The following DNAH11 variants were observed in gnomAD, a reference collection of about 807,000 sequenced individuals.
The protein encoded by DNAH11 is dynein axonemal heavy chain 11, also known as axonemal beta dynein heavy chain 11.
In DNAH11, 442 loss-of-function variants were observed where a neutral mutation model predicts 526.0. That is an observed-to-expected ratio of 0.84 (90% CI 0.78 to 0.91). DNAH11 has a LOEUF of 0.91. Ranked by LOEUF, DNAH11 falls within the 40% of genes least tolerant of loss-of-function variation. DNAH11 has a pLI of 0.00. For missense variants in DNAH11, 6,989 were observed against 5,448.7 expected (o/e 1.28, Z -8.90); for synonymous variants, 2,461 against 1,935.9 (o/e 1.27, Z -7.12).
intron 66 of DNAH11, among the ~76,000 whole-genome samples, chr7:21,846,338 A>G (rs1782417413): frequency 6.6e-6 from 1 of 152,180 alleles, no homozygotes; most frequent in African/African-American, 2.4e-5. Context: ...ACCATTAAGT[A>G]CAATGTAAGC....
Position 21,880,782 on chromosome 7 carries a change from T to C in DNAH11, c.12276T>C (p.Ala4092=). 6.2e-7 allele frequency: 1 copy of C among 1,614,022 alleles called. No individual in the cohort carries two copies. Among genetic ancestry groups the C allele is most frequent in the Non-Finnish European group, 8.5e-7 (1 of 1,179,908 alleles). The change falls in exon 75 of 82, where the codon GCT becomes GCC. Residue 4092 remains alanine (A), a synonymous_variant. Coordinates refer to ENST00000409508, the MANE Select transcript of DNAH11 (RefSeq NM_001277115.2). ...FSLCYFHACV[A]GRLRFGPQGW... ...TCTGCTACTTCCACGCCTGTGTTGC[T>C]GGGAGACTGAGGTTTGGCCCCCAGG...
chr7:21,593,033 G>T (rs1784743429), intron 14 of DNAH11, among the ~76,000 whole-genome samples: 1 of 152,146 alleles, frequency 6.6e-6, no homozygotes, highest in South Asian at 2.1e-4. Flanking sequence ...ACATATGTAT[G>T]GTATTTAGAG....
chr7:21,895,044 G>T (rs1179324328), intron 79 of DNAH11, 45 bp downstream of exon 79: 2 of 1,509,886 alleles, frequency 1.3e-6, no homozygotes, highest in Non-Finnish European at 1.8e-6. Context: ...AGCAGCCTCG[G>T]TGCTGGGTTA....
Position 21,571,809 on chromosome 7 carries a change from A to G in DNAH11, c.1429A>G (p.Ile477Val), listed in dbSNP as rs1009606912. Residue 477 changes from isoleucine (I) to valine (V), a missense_variant, in exon 8 of 82, where the codon ATA (isoleucine) becomes GTA (valine). Transcript: ENST00000409508. ...FLDRLIKIED[I>V]FATTLEFEKL... ...CTTTACTGTGTTTTTTACAAAGGAT[A>G]TATTTGCCACCACTTTGGAATTTGA... 6.2e-6 allele frequency: 10 copies of G among 1,610,856 alleles called. No individual in the cohort carries two copies. Among genetic ancestry groups the G allele is most frequent in the Non-Finnish European group, 8.5e-6 (10 of 1,178,884 alleles).
At chr7:21,616,003 A>G (rs1270813304) in intron 21 of DNAH11, among the ~76,000 whole-genome samples, 2 of 152,210 alleles carry the variant, frequency 1.3e-5, no homozygotes, top group African/African-American at 4.8e-5. Flanking sequence ...TTAATATATC[A>G]TAATGTTTTA....
At chr7:21,718,106 C>T (rs1784734499) in intron 43 of DNAH11, among the ~76,000 whole-genome samples, 181 bp downstream of exon 43, 2 of 149,172 alleles carry the variant, frequency 1.3e-5, no homozygotes. Flanking sequence ...TTGCAAACCT[C>T]TATCACATTC....
At chr7:21,598,109 GC>G (rs1444316337) in intron 14 of DNAH11, among the ~76,000 whole-genome samples, 2 of 152,162 alleles carry the variant, frequency 1.3e-5, no homozygotes, top group East Asian at 3.8e-4. Context: ...TAACACCTTT[GC>G]ATCCTGGATC....
chr7:21,614,114 T>C (rs1011527000), intron 20 of DNAH11, among the ~76,000 whole-genome samples: 1 of 152,130 alleles, frequency 6.6e-6, no homozygotes, highest in East Asian at 1.9e-4. Context: ...GTGATAAATA[T>C]ATACAATTTT....
chr7:21,854,185 T>G, intron 67 of DNAH11, 130 bp from the exon 68 acceptor site: 1 of 888,692 alleles, frequency 1.1e-6, no homozygotes, highest in South Asian at 1.9e-5. Flanking sequence ...CTCGAGCACA[T>G]GGATGCCATG....
intron 38 of DNAH11, 95 bp from the exon 39 acceptor site, chr7:21,705,365 G>T: frequency 8.3e-7 from 1 of 1,206,602 alleles, no homozygotes; most frequent in Non-Finnish European, 1.2e-6. Flanking sequence ...GGGCTGGCTT[G>T]GGTGTAAGGA....
chr7:21,564,256 G>A lies in DNAH11; in HGVS notation c.1053G>A (p.Glu351=), dbSNP rs201475447. The A allele has an allele frequency of 9.5e-4, 1,535 of 1,613,648 alleles. 27 individuals carry two copies. The South Asian group carries it at 0.015, about 16-fold the overall frequency. The change falls in exon 6 of 82, where the codon GAG becomes GAA. Residue 351 remains glutamate (E), a synonymous_variant. Coordinates refer to ENST00000409508, the MANE Select transcript of DNAH11 (RefSeq NM_001277115.2). ...GGAGACACATCCAGTGTCTCCAGGA[G>A]ACGGAATTCCCACAGACACGCATAT... The part of the protein sequence containing the change: ...PLRRHIQCLQ[E]TEFPQTRILI...
intron 65 of DNAH11, among the ~76,000 whole-genome samples, chr7:21,832,473 C>T (rs1021672129): frequency 6.6e-6 from 1 of 152,080 alleles, no homozygotes; most frequent in African/African-American, 2.4e-5. Flanking sequence ...TTCCTCCATC[C>T]CTTTATTTTG....
intron 58 of DNAH11, among the ~76,000 whole-genome samples, chr7:21,785,225 C>G (rs984743641): frequency 6.6e-6 from 1 of 152,188 alleles, no homozygotes; most frequent in Non-Finnish European, 1.5e-5. Flanking sequence ...AGGAAAGAAT[C>G]GAGATTTTCA....
intron 74 of DNAH11, among the ~76,000 whole-genome samples, chr7:21,879,854 C>T (rs1293537029): frequency 6.6e-6 from 1 of 152,032 alleles, no homozygotes; most frequent in East Asian, 1.9e-4. Context: ...GGAGGCCGAG[C>T]AGGGTGGATC....
chr7:21,639,693 C>T (rs6943393), intron 28 of DNAH11, among the ~76,000 whole-genome samples: 5,492 of 152,290 alleles, frequency 0.036, 317 homozygotes, highest in African/African-American at 0.12. Flanking sequence ...CCAAAGCACT[C>T]CTTCCTATAA....
intron 44 of DNAH11, 76 bp downstream of exon 44, chr7:21,720,932 G>C: frequency 6.5e-7 from 1 of 1,535,820 alleles, no homozygotes; most frequent in Non-Finnish European, 8.8e-7. Context: ...TAAAACATGT[G>C]ATCTGTACCT....
chr7:21,729,921 A>G lies in DNAH11; in HGVS notation c.7440+3937A>G, dbSNP rs151219521. ...CTTAGAATCAAAATCTGTATTAACC[A>G]TGATGAGATACCACCTCACACCTGT... On this transcript the variant is annotated intron_variant, in intron 45 of 81. Coordinates refer to ENST00000409508, the MANE Select transcript of DNAH11 (RefSeq NM_001277115.2). Among the ~76,000 whole-genome samples, 641 of 152,346 alleles carry G rather than the reference A, an allele frequency of 4.2e-3. 8 individuals are homozygous for G. Among genetic ancestry groups the G allele is most frequent in the African/African-American group, 0.015 (606 of 41,580 alleles).
chr7:21,631,675 T>C (rs1449002311), intron 25 of DNAH11, among the ~76,000 whole-genome samples: 2 of 152,350 alleles, frequency 1.3e-5, no homozygotes, highest in South Asian at 4.1e-4. Context: ...GTCACGCTGA[T>C]GCAAGAGGTG....
intron 56 of DNAH11, among the ~76,000 whole-genome samples, chr7:21,777,237 C>T (rs2189021): frequency 0.27 from 41,731 of 152,020 alleles, 7,540 homozygotes; most frequent in Non-Finnish European, 0.4. Flanking sequence ...GAGATCCAAC[C>T]GAGGTATTGG....
Sources: gnomAD v4.1 joint callset for allele counts (sites outside exome capture counted in the v4.1 genomes callset) on GRCh38, gnomAD v4.1.1 for gene constraint, MANE v1.5 for transcripts, NCBI Gene and HGNC (gene_info 2026-07-23, HGNC 2026-07-21) for gene names.